GLIS3: variants seen among roughly 807,000 people sequenced by gnomAD.
The protein encoded by GLIS3 is GLIS family zinc finger 3.
A neutral mutation model predicts 78.6 loss-of-function variants in GLIS3; 53 were observed. The observed-to-expected ratio is 0.67, with a 90% CI of 0.54 to 0.85. The LOEUF is 0.85. GLIS3 is among the 40% of genes least tolerant of loss of function. The probability of loss-of-function intolerance (pLI) is 0.00; values close to 1 mark genes in which losing one functional copy is unlikely to be tolerated. For synonymous variants in GLIS3, 684 were observed against 509.9 expected (o/e 1.34, Z -4.60); for missense variants, 1,703 against 1,231.1 (o/e 1.38, Z -5.74).
At chr9:4,304,970 T>C (rs1817191945), upstream of GLIS3, among the ~76,000 whole-genome samples, 1 of 152,212 alleles carries the variant, frequency 6.6e-6, no homozygotes, top group Non-Finnish European at 1.5e-5. Flanking sequence ...AAAGCAGACC[T>C]GCCCCGGGTA....
chr9:4,237,569 A>T (rs1015406885), intron 2 of GLIS3, among the ~76,000 whole-genome samples: 4 of 152,232 alleles, frequency 2.6e-5, no homozygotes, highest in Admixed American at 2.6e-4. Context: ...GTACTTTTTT[A>T]AACCAGCTGT....
At chr9:4,171,833 T>C (rs769076154) in intron 2 of GLIS3, among the ~76,000 whole-genome samples, 2 of 152,280 alleles carry the variant, frequency 1.3e-5, no homozygotes, top group South Asian at 2.1e-4. Flanking sequence ...AAACGTCAAA[T>C]TGGCTGATGA....
chr9:3,961,714 C>A (rs1817568244), intron 4 of GLIS3, among the ~76,000 whole-genome samples: 1 of 152,152 alleles, frequency 6.6e-6, no homozygotes, highest in African/African-American at 2.4e-5. Context: ...AGTCTCTGCA[C>A]AATTAGACAA....
chr9:3,930,202 C>A (rs1825525352), intron 6 of GLIS3, among the ~76,000 whole-genome samples: 1 of 152,152 alleles, frequency 6.6e-6, no homozygotes, highest in Non-Finnish European at 1.5e-5. Flanking sequence ...GTAAACACTG[C>A]AAACTTATCA....
intron 2 of GLIS3, among the ~76,000 whole-genome samples, chr9:4,239,171 GT>G (rs370331247): frequency 2.8e-4 from 29 of 104,820 alleles, no homozygotes; most frequent in African/African-American, 9.0e-4. Flanking sequence ...CTGTTGTGGG[GT>G]GGGGGGAGGG....
intron 7 of GLIS3, among the ~76,000 whole-genome samples, chr9:3,881,601 GC>G (rs1821732458): frequency 6.6e-6 from 1 of 152,172 alleles, no homozygotes; most frequent in South Asian, 2.1e-4. Context: ...TCAGAGTTAA[GC>G]CTGGTTTAGG....
At chr9:4,271,605 C>T (rs973445726) in intron 2 of GLIS3, among the ~76,000 whole-genome samples, 3 of 152,178 alleles carry the variant, frequency 2.0e-5, no homozygotes, top group African/African-American at 4.8e-5. Context: ...AAATATCTGG[C>T]TGTACACCCT....
chr9:4,067,457 G>A (rs1224880015), intron 4 of GLIS3, among the ~76,000 whole-genome samples: 1 of 152,042 alleles, frequency 6.6e-6, no homozygotes, highest in Non-Finnish European at 1.5e-5. Flanking sequence ...AACAAGGAGA[G>A]AAAGAGCACA....
At chr9:4,427,881 G>C in the GLIS3 span, among the ~76,000 whole-genome samples, 1 of 151,626 alleles carries the variant, frequency 6.6e-6, no homozygotes, top group Non-Finnish European at 1.5e-5. Flanking sequence ...AGAACAATTA[G>C]AAAATAATTA....
intron 4 of GLIS3, among the ~76,000 whole-genome samples, chr9:4,060,527 C>T (rs147364448): frequency 2.6e-5 from 4 of 152,236 alleles, no homozygotes; most frequent in East Asian, 1.9e-4. Context: ...GCTCTGCCCT[C>T]ATGAATGATG....
the GLIS3 span, among the ~76,000 whole-genome samples, chr9:4,450,363 T>A: frequency 1.3e-5 from 2 of 152,148 alleles, no homozygotes; most frequent in African/African-American, 4.8e-5. Flanking sequence ...AGACTAAATC[T>A]ACGTTTGATT....
intron 4 of GLIS3, among the ~76,000 whole-genome samples, chr9:4,053,529 G>A (rs1007816696): frequency 6.6e-6 from 1 of 151,650 alleles, no homozygotes; most frequent in African/African-American, 2.4e-5. Context: ...CACGAGGGCA[G>A]GACTGTTCCT....
At chr9:4,136,649 T>C (rs892174848) in intron 2 of GLIS3, among the ~76,000 whole-genome samples, 1 of 151,936 alleles carries the variant, frequency 6.6e-6, no homozygotes, top group Non-Finnish European at 1.5e-5. Flanking sequence ...GAAGGAAGAA[T>C]GAGCACACAA....
intron 3 of GLIS3, among the ~76,000 whole-genome samples, chr9:4,122,769 A>C (rs1832283840): frequency 6.6e-6 from 1 of 152,226 alleles, no homozygotes; most frequent in Non-Finnish European, 1.5e-5. Context: ...TCTACTACTC[A>C]ATGTTTGTTA....
At chr9:3,962,474 T>C (rs1817632217) in intron 4 of GLIS3, among the ~76,000 whole-genome samples, 1 of 152,120 alleles carries the variant, frequency 6.6e-6, no homozygotes, top group Admixed American at 6.5e-5. Flanking sequence ...TTAAAGGGGG[T>C]ACCAGTTCCC....
chr9:4,054,179 T>C (rs1447077723), intron 4 of GLIS3: 2 of 243,764 alleles, frequency 8.2e-6, no homozygotes, highest in East Asian at 1.8e-4. Flanking sequence ...CAGGACTCTC[T>C]GGTGGCACAG....
At chr9:4,008,631 TC>T (rs1821746451) in intron 4 of GLIS3, among the ~76,000 whole-genome samples, 1 of 152,144 alleles carries the variant, frequency 6.6e-6, no homozygotes, top group South Asian at 2.1e-4. Flanking sequence ...TGTATTCATC[TC>T]CCCACCTAGA....
Position 4,095,308 on chromosome 9 carries a change from C to A in GLIS3, c.1710+22460G>T, listed in dbSNP as rs764549814. 1.8e-4 allele frequency among the ~76,000 whole-genome samples: 27 copies of A among 152,090 alleles called. 1 individual carries two copies. Among genetic ancestry groups the A allele is most frequent in the Admixed American group, 1.8e-3 (27 of 15,268 alleles). On this transcript the variant is annotated intron_variant, in intron 4 of 10. Coordinates refer to ENST00000381971, the MANE Select transcript of GLIS3 (RefSeq NM_001042413.2). ...AACTCATGCTGTACCAAAAAGCTAT[C>A]CAAATTCTGAGTATTTCTAAATTTC...
At chr9:4,126,227 T>C (rs1027361952) in intron 2 of GLIS3, among the ~76,000 whole-genome samples, 4 of 152,224 alleles carry the variant, frequency 2.6e-5, no homozygotes, top group African/African-American at 9.6e-5. Context: ...TATAATATCC[T>C]TACCTAAAGG....
Sources: allele counts gnomAD v4.1 joint callset (sites outside exome capture counted in the v4.1 genomes callset), GRCh38; gene constraint gnomAD v4.1.1; transcripts MANE v1.5; gene names NCBI Gene and HGNC (gene_info 2026-07-23, HGNC 2026-07-21).